The following IQGAP2 variants were observed in gnomAD, a reference collection of about 807,000 sequenced individuals.
IQGAP2 encodes the protein IQ motif containing GTPase activating protein 2.
In IQGAP2, 173 loss-of-function variants were observed where a neutral mutation model predicts 201.3. That is an observed-to-expected ratio of 0.86 (90% CI 0.76 to 0.98). IQGAP2 has a LOEUF of 0.98. IQGAP2 is among the 50% of genes least tolerant of loss of function. IQGAP2 has a pLI of 0.00. For synonymous variants in IQGAP2, 675 were observed against 673.9 expected, an observed-to-expected ratio of 1.00 and a Z score of -0.03; for missense variants, 1,687 against 1,864.8, an observed-to-expected ratio of 0.90 and a Z score of 1.76.
At chr5:76,582,553 A>G (rs1334716794) in intron 5 of IQGAP2, among the ~76,000 whole-genome samples, 1 of 152,224 alleles carries the variant, frequency 6.6e-6, no homozygotes, top group Non-Finnish European at 1.5e-5. Context: ...CACATGTTAT[A>G]GTACAAAATG....
At chr5:76,624,706 G>A (rs1362131590) in intron 13 of IQGAP2, among the ~76,000 whole-genome samples, 2 of 152,102 alleles carry the variant, frequency 1.3e-5, no homozygotes, top group East Asian at 3.8e-4. Context: ...GTTGAACCTG[G>A]CTGTTTAACT....
chr5:76,594,737 T>A (rs1242787317), intron 9 of IQGAP2, among the ~76,000 whole-genome samples: 1 of 152,092 alleles, frequency 6.6e-6, no homozygotes, highest in East Asian at 1.9e-4. Flanking sequence ...GAGGCTGAAA[T>A]GGGTGGATCA....
intron 2 of IQGAP2, among the ~76,000 whole-genome samples, chr5:76,515,931 G>A (rs1758291806): frequency 6.9e-6 from 1 of 144,108 alleles, no homozygotes; most frequent in Non-Finnish European, 1.5e-5. Flanking sequence ...AGGCTGGAGT[G>A]CAATGGCGAG....
intron 1 of IQGAP2, among the ~76,000 whole-genome samples, chr5:76,409,916 TG>T (rs1751016611): frequency 1.3e-5 from 2 of 152,364 alleles, no homozygotes; most frequent in South Asian, 4.1e-4. Context: ...TGACTTCCAT[TG>T]CCTGCCTCAG....
chr5:76,498,131 C>T (rs1414771922), intron 2 of IQGAP2, among the ~76,000 whole-genome samples: 2 of 152,146 alleles, frequency 1.3e-5, no homozygotes. Flanking sequence ...TGTGCAGTCC[C>T]CACCATGGAC....
chr5:76,542,260 C>T (rs1227356086), intron 2 of IQGAP2, among the ~76,000 whole-genome samples: 2 of 152,230 alleles, frequency 1.3e-5, no homozygotes, highest in African/African-American at 4.8e-5. Flanking sequence ...TGTGCCCGGC[C>T]ACTATTTTTC....
chr5:76,575,789 A>G lies in IQGAP2; in HGVS notation c.458+20A>G. 1 of 1,422,624 alleles carries G rather than the reference A, an allele frequency of 7.0e-7. No homozygotes were observed. Among genetic ancestry groups the G allele is most frequent in the Non-Finnish European group, 9.7e-7 (1 of 1,030,912 alleles). The allele number at this position is 1,422,624 out of a possible 1,614,324, so 88.1% of individuals were successfully genotyped here. A position where few individuals can be genotyped will look rare whatever the true frequency, so the allele number is the denominator to read the frequency against. ...ACTGAGGTAGGGGGAAAATGCAGCT[A>G]AAAGGTGCTCTAAGAAGTAGATTTA... On this transcript the variant is annotated intron_variant, in intron 5 of 35. Coordinates refer to ENST00000274364, the MANE Select transcript of IQGAP2 (RefSeq NM_006633.5).
intron 2 of IQGAP2, among the ~76,000 whole-genome samples, chr5:76,512,475 T>C (rs1317072215): frequency 1.3e-5 from 2 of 152,202 alleles, no homozygotes; most frequent in Non-Finnish European, 2.9e-5. Flanking sequence ...TTTAATTGCT[T>C]TCTCTATTGG....
chr5:76,546,898 G>A (rs2150227428), intron 2 of IQGAP2, among the ~76,000 whole-genome samples: 1 of 152,240 alleles, frequency 6.6e-6, no homozygotes, highest in East Asian at 1.9e-4. Flanking sequence ...GTGGAGAGTG[G>A]GAGGCATTTG....
intron 2 of IQGAP2, among the ~76,000 whole-genome samples, chr5:76,480,314 C>G (rs955719794): frequency 6.6e-6 from 1 of 152,158 alleles, no homozygotes; most frequent in Non-Finnish European, 1.5e-5. Flanking sequence ...AGGTCCTCTT[C>G]TCTCAAACAT....
intron 1 of IQGAP2, among the ~76,000 whole-genome samples, chr5:76,428,703 G>A (rs1171441192): frequency 6.6e-6 from 1 of 151,380 alleles, no homozygotes; most frequent in South Asian, 2.1e-4. Flanking sequence ...AAAGTGCTGG[G>A]ATTACAGGAC....
intron 2 of IQGAP2, among the ~76,000 whole-genome samples, chr5:76,552,755 C>T (rs998655484): frequency 5.9e-5 from 9 of 152,228 alleles, no homozygotes; most frequent in Admixed American, 3.3e-4. Context: ...TCTGAGACAA[C>T]GTTCTGTGGA....
chr5:76,540,675 C>T (rs1279880214), intron 2 of IQGAP2, among the ~76,000 whole-genome samples: 1 of 152,192 alleles, frequency 6.6e-6, no homozygotes, highest in East Asian at 1.9e-4. Flanking sequence ...CAGGGCTACC[C>T]TTGGCCTATA....
intron 12 of IQGAP2, chr5:76,607,607 A>G (rs569986462): frequency 2.6e-5 from 4 of 152,274 alleles, no homozygotes; most frequent in African/African-American, 9.6e-5. Context: ...CTTTTCTGAT[A>G]CTTGGCTTGG....
intron 14 of IQGAP2, among the ~76,000 whole-genome samples, chr5:76,629,869 G>A (rs1158274635): frequency 6.6e-6 from 1 of 152,084 alleles, no homozygotes; most frequent in Non-Finnish European, 1.5e-5. Flanking sequence ...AAACATACCT[G>A]ACTTTCTGGA....
chr5:76,474,622 G>A (rs1318300566), intron 2 of IQGAP2, among the ~76,000 whole-genome samples: 8 of 152,050 alleles, frequency 5.3e-5, no homozygotes, highest in Non-Finnish European at 7.4e-5. Context: ...AGCTTTTCCT[G>A]CCCCTGGTAT....
In IQGAP2 at chr5:76,461,683, TTA is replaced by T; in HGVS notation, c.146+15_146+16del. ...GGAAGCCAAAAGGTAAGATCCAGAC[TTA>T]GTCTATTTGTGCACCATCTCTTGGA... On this transcript the variant is annotated intron_variant, in intron 2 of 35. Coordinates refer to ENST00000274364, the MANE Select transcript of IQGAP2 (RefSeq NM_006633.5). 2 of 1,568,194 alleles carry T rather than the reference TTA, an allele frequency of 1.3e-6. No homozygotes were observed. The highest frequency in any genetic ancestry group is 1.8e-6 in the Non-Finnish European group (2 of 1,138,340).
intron 1 of IQGAP2, among the ~76,000 whole-genome samples, chr5:76,436,974 A>G (rs1230691909): frequency 6.6e-6 from 1 of 152,062 alleles, no homozygotes; most frequent in Non-Finnish European, 1.5e-5. Flanking sequence ...ATTATATGTT[A>G]TGCATACATT....
chr5:76,690,453 C>T (rs1049900392), intron 30 of IQGAP2, among the ~76,000 whole-genome samples: 1 of 152,134 alleles, frequency 6.6e-6, no homozygotes, highest in Non-Finnish European at 1.5e-5. Flanking sequence ...TTTGTACAAT[C>T]AGGGATTGGA....
Sources: allele counts gnomAD v4.1 joint callset (sites outside exome capture counted in the v4.1 genomes callset), GRCh38; gene constraint gnomAD v4.1.1; transcripts MANE v1.5; gene names NCBI Gene and HGNC (gene_info 2026-07-23, HGNC 2026-07-21).